RPS6KC1: variants seen among roughly 807,000 people sequenced by gnomAD.
RPS6KC1 encodes the protein inactive ribosomal protein S6 kinase delta-1.
RPS6KC1 carries 54 observed loss-of-function variants against 103.8 expected under a neutral mutation model. That is an observed-to-expected ratio of 0.52 (90% CI 0.42 to 0.65). The LOEUF (loss-of-function observed/expected upper bound fraction) is 0.65. Among genes scored for constraint, RPS6KC1 ranks in the 30% least tolerant of loss-of-function variants. The probability of loss-of-function intolerance (pLI) is 0.00; values close to 1 mark genes in which losing one functional copy is unlikely to be tolerated. For synonymous variants in RPS6KC1, 439 were observed against 438.7 expected (o/e 1.00, Z -0.01); for missense variants, 1,151 against 1,253.8 (o/e 0.92, Z 1.24).
the RPS6KC1 span, among the ~76,000 whole-genome samples, chr1:213,514,627 C>T: frequency 5.3e-5 from 8 of 152,182 alleles, no homozygotes; most frequent in South Asian, 2.1e-4. Flanking sequence ...TCCAGTCTAT[C>T]GTTGTTGGAC....
intron 1 of RPS6KC1, among the ~76,000 whole-genome samples, chr1:213,061,417 G>T (rs1048177035): frequency 6.6e-6 from 1 of 152,152 alleles, no homozygotes; most frequent in African/African-American, 2.4e-5. Context: ...CTGGCTGGTG[G>T]GTGATAACCA....
At chr1:213,121,970 A>AT (rs2084439599) in intron 5 of RPS6KC1, among the ~76,000 whole-genome samples, 1 of 152,136 alleles carries the variant, frequency 6.6e-6, no homozygotes, top group South Asian at 2.1e-4. Flanking sequence ...TCAAGTGCTT[A>AT]TTGTAACTAT....
chr1:213,681,633 C>G, the RPS6KC1 span, among the ~76,000 whole-genome samples: 1,846 of 152,030 alleles, frequency 0.012, 16 homozygotes, highest in Non-Finnish European at 0.019. Context: ...CTTGTCTCTA[C>G]AAAAAAGTTA....
At chr1:213,482,550 T>G in the RPS6KC1 span, among the ~76,000 whole-genome samples, 4 of 117,994 alleles carry the variant, frequency 3.4e-5, no homozygotes, top group African/African-American at 6.4e-5. Flanking sequence ...GTTTTTTTTT[T>G]TTTTTTTTTT....
chr1:213,166,575 A>G (rs545739122), intron 6 of RPS6KC1, among the ~76,000 whole-genome samples: 2 of 152,216 alleles, frequency 1.3e-5, no homozygotes, highest in African/African-American at 4.8e-5. Flanking sequence ...GAGAGTTAAT[A>G]AATAAATGTA....
At chr1:213,311,180 C>T in the RPS6KC1 span, among the ~76,000 whole-genome samples, 2 of 151,586 alleles carry the variant, frequency 1.3e-5, no homozygotes, top group Admixed American at 6.6e-5. Context: ...GCTCTGTTGC[C>T]CAGGCTGGAG....
the RPS6KC1 span, among the ~76,000 whole-genome samples, chr1:213,370,515 C>T: frequency 6.6e-6 from 1 of 152,176 alleles, no homozygotes; most frequent in South Asian, 2.1e-4. Flanking sequence ...TGGGGCAACA[C>T]ATGACCACAC....
At chr1:213,350,691 A>G in the RPS6KC1 span, among the ~76,000 whole-genome samples, 1 of 152,232 alleles carries the variant, frequency 6.6e-6, no homozygotes, top group Admixed American at 6.5e-5. Context: ...CGTATTCATT[A>G]TAGAAAATTT....
chr1:213,720,269 T>G, the RPS6KC1 span, among the ~76,000 whole-genome samples: 1 of 151,990 alleles, frequency 6.6e-6, no homozygotes, highest in African/African-American at 2.4e-5. Flanking sequence ...GGTCTGGGAG[T>G]GTTTAAGGAC....
the RPS6KC1 span, among the ~76,000 whole-genome samples, chr1:213,524,074 C>T: frequency 6.6e-6 from 1 of 152,090 alleles, no homozygotes; most frequent in Non-Finnish European, 1.5e-5. Flanking sequence ...GAAAAAGCTG[C>T]AGTATGGTCC....
At chr1:213,778,203 A>C in the RPS6KC1 span, among the ~76,000 whole-genome samples, 1 of 152,210 alleles carries the variant, frequency 6.6e-6, no homozygotes, top group Admixed American at 6.5e-5. Flanking sequence ...TGCCTCAATA[A>C]ATATTGATAT....
chr1:213,503,898 A>G, the RPS6KC1 span, among the ~76,000 whole-genome samples: 1 of 152,176 alleles, frequency 6.6e-6, no homozygotes, highest in East Asian at 1.9e-4. Context: ...ACTAGACTCT[A>G]TGCTGTAGAA....
intron 12 of RPS6KC1, among the ~76,000 whole-genome samples, chr1:213,254,261 G>T (rs951421937): frequency 6.6e-6 from 1 of 152,128 alleles, no homozygotes; most frequent in African/African-American, 2.4e-5. Context: ...TAAACAGTTT[G>T]CACATGTTTG....
intron 6 of RPS6KC1, among the ~76,000 whole-genome samples, chr1:213,154,671 G>A (rs1558436017): frequency 6.6e-6 from 1 of 152,228 alleles, no homozygotes; most frequent in Non-Finnish European, 1.5e-5. Context: ...CTGGCCAAGG[G>A]CAGGTCCGGA....
chr1:213,065,784 G>A (rs1158856717), intron 1 of RPS6KC1, among the ~76,000 whole-genome samples: 1 of 152,196 alleles, frequency 6.6e-6, no homozygotes, highest in African/African-American at 2.4e-5. Context: ...TGTTGAATGA[G>A]TAGGTGAAAT....
chr1:213,057,752 CTTTTTTTTTT>C (rs869259657), intron 1 of RPS6KC1, among the ~76,000 whole-genome samples: 8 of 73,700 alleles, frequency 1.1e-4, no homozygotes, highest in Admixed American at 2.1e-4. Context: ...TCTGAAGTAT[CTTTTTTTTTT>C]TTTTTTTTTT....
At chr1:213,104,948 A>G (rs900007728) in intron 4 of RPS6KC1, among the ~76,000 whole-genome samples, 4 of 152,104 alleles carry the variant, frequency 2.6e-5, no homozygotes, top group African/African-American at 9.7e-5. Context: ...TCACTCTGTC[A>G]TAATTGAAAT....
chr1:213,589,493 T>C, the RPS6KC1 span, among the ~76,000 whole-genome samples: 1 of 151,922 alleles, frequency 6.6e-6, no homozygotes, highest in Non-Finnish European at 1.5e-5. Context: ...TACAAAAATA[T>C]TAGCCAGGCG....
At chr1:213,760,750 T>G in the RPS6KC1 span, among the ~76,000 whole-genome samples, 14 of 152,166 alleles carry the variant, frequency 9.2e-5, no homozygotes, top group South Asian at 2.5e-3. Flanking sequence ...AGCCAGATCT[T>G]GTAGATCTAG....
Sources: gnomAD v4.1 joint callset for allele counts (sites outside exome capture counted in the v4.1 genomes callset) on GRCh38, gnomAD v4.1.1 for gene constraint, MANE v1.5 for transcripts, NCBI Gene and HGNC (gene_info 2026-07-23, HGNC 2026-07-21) for gene names.